The following KIR2DL4 variants were observed in gnomAD, a reference collection of about 807,000 sequenced individuals.
KIR2DL4 encodes killer cell immunoglobulin like receptor, two Ig domains and long cytoplasmic tail 4, also known as killer cell immunoglobulin-like receptor 2DL4.
A neutral mutation model predicts 31.0 loss-of-function variants in KIR2DL4; 41 were observed. The observed-to-expected ratio is 1.32, with a 90% CI of 1.03 to 1.72. The LOEUF is 1.72. Among genes scored for constraint, KIR2DL4 ranks in the 40% most tolerant of loss-of-function variants. KIR2DL4 has a pLI of 0.00. For missense variants in KIR2DL4, 438 were observed against 353.7 expected (o/e 1.24, Z -1.91); for synonymous variants, 164 against 133.6 (o/e 1.23, Z -1.57).
At chr19:54,808,703 T>C in intron 4 of KIR2DL4, 130 bp from the exon 5 acceptor site, 1 of 774,026 alleles carries the variant, frequency 1.3e-6, no homozygotes, top group South Asian at 1.4e-5. Flanking sequence ...TTATGGAGAA[T>C]GGGATGCCAG....
chr19:54,804,889 A>G, exon 3 of KIR2DL4: 1 of 1,612,116 alleles, frequency 6.2e-7, no homozygotes, highest in South Asian at 1.1e-5. Flanking sequence ...CGTGGGTTTA[A>G]CATCTTCACG....
At chr19:54,808,877 A>C in exon 5 of KIR2DL4, 1 of 1,604,522 alleles carries the variant, frequency 6.2e-7, no homozygotes, top group Non-Finnish European at 8.5e-7. Context: ...ACCAAGCTTC[A>C]AAACTGGTAA....
chr19:54,811,675 C>T (rs1244617795), intron 5 of KIR2DL4, among the ~76,000 whole-genome samples: 1 of 151,348 alleles, frequency 6.6e-6, no homozygotes, highest in Non-Finnish European at 1.5e-5. Flanking sequence ...CCCCACCTCA[C>T]CCCTACTTCC....
intron 5 of KIR2DL4, among the ~76,000 whole-genome samples, chr19:54,812,848 C>G (rs2060943952): frequency 3.3e-5 from 2 of 60,128 alleles, no homozygotes; most frequent in African/African-American, 2.0e-4. Context: ...CAAAACACCC[C>G]TCCCAATAGG....
Position 54,804,787 on chromosome 19 carries a change from C to A in KIR2DL4, c.77-6C>A. 6.2e-7 allele frequency: 1 copy of A among 1,611,034 alleles called. No homozygotes were observed. Among genetic ancestry groups the A allele is most frequent in the Non-Finnish European group, 8.5e-7 (1 of 1,179,120 alleles). ...CTCTCTGAGGCGGCATCTCCTTCTCCCCAAGGTGGTCAGGACAAGCCCTTC... is the reference window on the plus strand; with the variant it reads ...CTCTCTGAGGCGGCATCTCCTTCTCACCAAGGTGGTCAGGACAAGCCCTTC... On this transcript the variant is annotated splice_region_variant and splice_polypyrimidine_tract_variant and intron_variant, in intron 2 of 7. Transcript: ENST00000359085.
At chr19:54,803,641 G>A in exon 1 of KIR2DL4, 1 of 1,612,220 alleles carries the variant, frequency 6.2e-7, no homozygotes, top group Non-Finnish European at 8.5e-7. Flanking sequence ...CCTGGCAGCA[G>A]AAGCTGCACC....
intron 3 of KIR2DL4, 49 bp downstream of exon 3, chr19:54,805,126 CA>C: frequency 6.6e-7 from 1 of 1,524,946 alleles, no homozygotes. Context: ...TCCTGAGTCC[CA>C]GAGCTTCTGG....
At chr19:54,812,449 C>T (rs1471207802) in intron 5 of KIR2DL4, among the ~76,000 whole-genome samples, 1 of 151,362 alleles carries the variant, frequency 6.6e-6, no homozygotes, top group Non-Finnish European at 1.5e-5. Flanking sequence ...GAAGACAGCC[C>T]AGGCTGTTCT....
At chr19:54,814,163 G>C in exon 8 of KIR2DL4, 1 of 1,584,940 alleles carries the variant, frequency 6.3e-7, no homozygotes, top group South Asian at 1.1e-5. Context: ...CACAAATCTG[G>C]TGCCTGTCTC....
chr19:54,805,209 G>C (rs2060439137), intron 3 of KIR2DL4, 132 bp downstream of exon 3: 1 of 845,394 alleles, frequency 1.2e-6, no homozygotes, highest in Non-Finnish European at 1.8e-6. Flanking sequence ...TGAATACAGG[G>C]GAATGGGTGC....
At chr19:54,810,752 C>T (rs535594746) in intron 5 of KIR2DL4, among the ~76,000 whole-genome samples, 2,423 of 150,928 alleles carry the variant, frequency 0.016, 140 homozygotes, top group African/African-American at 0.056. Flanking sequence ...AGCCATTGGA[C>T]TTACCTCGGG....
rs1409066889 is a variant in KIR2DL4 at position 54,807,218 on chromosome 19, A to T, written c.655+974A>T. On this transcript the variant is annotated intron_variant, in intron 4 of 7. Transcript: ENST00000359085. ...TGACAGGACGTTACTCTTTGTATGG[A>T]TGAGTTGTCTCCATTGTGTGTATGT... Among the ~76,000 whole-genome samples the T allele has an allele frequency of 3.3e-5, 5 of 150,498 alleles. 1 individual carries two copies. Among genetic ancestry groups the T allele is most frequent in the African/African-American group, 1.2e-4 (5 of 40,426 alleles).
intron 5 of KIR2DL4, among the ~76,000 whole-genome samples, chr19:54,810,513 T>G (rs1463217125): frequency 6.7e-6 from 1 of 150,336 alleles, no homozygotes; most frequent in East Asian, 1.9e-4. Context: ...ACTTGTGACC[T>G]TAATGAAAAA....
intron 4 of KIR2DL4, 21 bp downstream of exon 4, chr19:54,806,265 TC>T: frequency 6.2e-7 from 1 of 1,603,716 alleles, no homozygotes; most frequent in South Asian, 1.1e-5. Flanking sequence ...CCAATGTCTG[TC>T]CCATGTCCTA....
chr19:54,814,129 T>A, exon 8 of KIR2DL4: 1 of 1,607,454 alleles, frequency 6.2e-7, no homozygotes, highest in African/African-American at 1.3e-5. Flanking sequence ...AGTCTCCATC[T>A]TAGAGCATCA....
chr19:54,811,002 A>G (rs1203379382), intron 5 of KIR2DL4, among the ~76,000 whole-genome samples: 1 of 151,398 alleles, frequency 6.6e-6, no homozygotes, highest in Admixed American at 6.6e-5. Context: ...TCTTCACTTC[A>G]TTGATTTCTT....
Position 54,808,814 on chromosome 19 carries a change from C to G in KIR2DL4, c.656-19C>G. ...CAGGCATCCTCATTGCCACACCTCT[C>G]TCCTGTCCCGTGTTCTAGGAAACCC... is the stretch of plus-strand genomic sequence containing the variant. On this transcript the variant is annotated intron_variant, in intron 4 of 7. Transcript: ENST00000359085. 1 of 1,544,728 alleles carries G rather than the reference C, an allele frequency of 6.5e-7. No individual in the cohort carries two copies. The highest frequency in any genetic ancestry group is 8.9e-7 in the Non-Finnish European group (1 of 1,122,216).
In KIR2DL4 at chr19:54,803,764, G is replaced by A. The variant is rs2147866811; in HGVS notation, c.40+73G>A. The stretch of plus-strand genomic sequence containing the variant: ...AGATTGGGTGTCTCCCCAGCAGAGA[G>A]CCATGTTCTGAAGCAAGTGAGTGGT... On this transcript the variant is annotated intron_variant, in intron 1 of 7. Coordinates refer to ENST00000359085, the Ensembl canonical transcript of KIR2DL4. 1.3e-5 allele frequency: 20 copies of A among 1,577,620 alleles called. 1 individual carries two copies. In the South Asian group the frequency reaches 2.0e-4, roughly 16 times the overall value.
At position 54,809,348 on chromosome 19, in the gene KIR2DL4, G is replaced by A. The variant is rs1349877237; in HGVS notation, c.706+465G>A. Among the ~76,000 whole-genome samples, 12 of 150,640 alleles carry A rather than the reference G, an allele frequency of 8.0e-5. 1 individual carries two copies. The highest frequency in any genetic ancestry group is 3.2e-3 in the Middle Eastern group (1 of 316). ...CGGTAAGAGAGAACGTAGTTCATCC[G>A]TGCACATGACACTTCCACTTACTCG... On this transcript the variant is annotated intron_variant, in intron 5 of 7. Transcript: ENST00000359085.
Sources: allele counts gnomAD v4.1 joint callset (sites outside exome capture counted in the v4.1 genomes callset), GRCh38; gene constraint gnomAD v4.1.1; transcripts MANE v1.5; gene names NCBI Gene and HGNC (gene_info 2026-07-23, HGNC 2026-07-21).